Variants in TMC1 observed in about 807,000 individuals in gnomAD.
The protein encoded by TMC1 is transmembrane channel-like protein 1.
Under a neutral mutation model 105.8 loss-of-function variants are expected in TMC1, and 84 were observed. That is an observed-to-expected ratio of 0.79 (90% CI 0.67 to 0.95). The LOEUF is 0.95. Ranked by LOEUF, TMC1 falls within the 40% of genes least tolerant of loss-of-function variation. The pLI is 0.00. For synonymous variants in TMC1, 315 were observed against 311.5 expected (o/e 1.01, Z -0.12); for missense variants, 817 against 914.1 (o/e 0.89, Z 1.37).
At chr9:72,554,525 T>C (rs187443622) in intron 1 of TMC1, among the ~76,000 whole-genome samples, 1 of 152,332 alleles carries the variant, frequency 6.6e-6, no homozygotes, top group Admixed American at 6.5e-5. Context: ...AGCATTTTAC[T>C]CTCTCTTCCT....
intron 1 of TMC1, among the ~76,000 whole-genome samples, chr9:72,533,232 C>T (rs1823527631): frequency 2.0e-5 from 3 of 152,222 alleles, no homozygotes; most frequent in Admixed American, 2.0e-4. Flanking sequence ...AGAGAACCCT[C>T]ACACCTTATA....
intron 2 of TMC1, among the ~76,000 whole-genome samples, chr9:72,586,055 A>G (rs960884332): frequency 3.9e-5 from 6 of 152,198 alleles, no homozygotes; most frequent in Non-Finnish European, 5.9e-5. Context: ...TTTGGAAACA[A>G]TTTACACAAG....
intron 4 of TMC1, among the ~76,000 whole-genome samples, chr9:72,638,225 A>G (rs1201883617): frequency 6.6e-6 from 1 of 152,106 alleles, no homozygotes; most frequent in African/African-American, 2.4e-5. Flanking sequence ...TTTGTTTTCA[A>G]TATAAAAATC....
intron 8 of TMC1, among the ~76,000 whole-genome samples, chr9:72,706,119 G>C (rs1826733096): frequency 6.6e-6 from 1 of 152,058 alleles, no homozygotes; most frequent in African/African-American, 2.4e-5. Flanking sequence ...ACATTTTTAG[G>C]AAAGTGAAAA....
chr9:72,615,721 C>G (rs999781656), intron 2 of TMC1, among the ~76,000 whole-genome samples: 13 of 152,062 alleles, frequency 8.5e-5, no homozygotes, highest in African/African-American at 2.9e-4. Flanking sequence ...GAATAATTTT[C>G]CAGCCTCTCT....
intron 1 of TMC1, among the ~76,000 whole-genome samples, chr9:72,558,948 A>T (rs1338902154): frequency 6.6e-6 from 1 of 152,140 alleles, no homozygotes; most frequent in Non-Finnish European, 1.5e-5. Context: ...AATTAAAAAC[A>T]TACTTTTCTT....
chr9:72,773,070 G>T (rs1421181095), intron 13 of TMC1, among the ~76,000 whole-genome samples: 1 of 152,126 alleles, frequency 6.6e-6, no homozygotes, highest in Non-Finnish European at 1.5e-5. Context: ...TATAATCATG[G>T]TTTGTCTTGG....
chr9:72,690,971 G>A (rs534263646), intron 6 of TMC1, among the ~76,000 whole-genome samples: 1 of 152,052 alleles, frequency 6.6e-6, no homozygotes, highest in Non-Finnish European at 1.5e-5. Flanking sequence ...TGGTCTGCTT[G>A]TTGATCCCTC....
At chr9:72,677,181 G>A (rs188989082) in intron 5 of TMC1, among the ~76,000 whole-genome samples, 77 of 151,330 alleles carry the variant, frequency 5.1e-4, no homozygotes, top group African/African-American at 1.8e-3. Flanking sequence ...GGTTCATGGA[G>A]GCTAAAAAGT....
At chr9:72,736,924 C>G in intron 8 of TMC1, among the ~76,000 whole-genome samples, 1 of 152,144 alleles carries the variant, frequency 6.6e-6, no homozygotes, top group South Asian at 2.1e-4. Flanking sequence ...GTAACAATGA[C>G]AGCAATATTT....
At position 72,640,414 on chromosome 9, in the gene TMC1, G is replaced by T. The variant is rs544178628; in HGVS notation, c.-52-8183G>T. On this transcript the variant is annotated intron_variant, in intron 4 of 23. Transcript: ENST00000297784. ...TGATTTAGGCATCTAAGCTATCCAG[G>T]CATCATCATGGGGGTGAGCAGCCTG... Among the ~76,000 whole-genome samples the T allele has an allele frequency of 2.0e-5, 3 of 152,220 alleles. No individual in the cohort carries two copies. In the East Asian group the frequency reaches 5.8e-4, roughly 29 times the overall value.
chr9:72,612,883 C>T (rs1587988916), intron 2 of TMC1, among the ~76,000 whole-genome samples: 1 of 151,986 alleles, frequency 6.6e-6, no homozygotes, highest in Non-Finnish European at 1.5e-5. Flanking sequence ...CAAGACAGCC[C>T]CCACAACAAA....
At chr9:72,770,349 TATC>T (rs1827905194) in intron 12 of TMC1, among the ~76,000 whole-genome samples, 1 of 147,724 alleles carries the variant, frequency 6.8e-6, no homozygotes, top group Admixed American at 6.8e-5. Flanking sequence ...TATTTTGATT[TATC>T]ATTATTATTA....
At chr9:72,587,396 G>A (rs574686094) in intron 2 of TMC1, among the ~76,000 whole-genome samples, 4 of 152,280 alleles carry the variant, frequency 2.6e-5, no homozygotes, top group Admixed American at 6.5e-5. Context: ...GACCTCAGAT[G>A]ATCCACCCAC....
intron 7 of TMC1, among the ~76,000 whole-genome samples, chr9:72,697,316 T>C (rs1305013200): frequency 6.6e-6 from 1 of 152,182 alleles, no homozygotes; most frequent in Non-Finnish European, 1.5e-5. Context: ...TACTTGGATA[T>C]GAACATGTAA....
At chr9:72,754,542 G>A (rs775218102) in intron 11 of TMC1, among the ~76,000 whole-genome samples, 1 of 152,130 alleles carries the variant, frequency 6.6e-6, no homozygotes, top group Non-Finnish European at 1.5e-5. Context: ...AAGCCCTCTG[G>A]GGAATGTGGT....
At chr9:72,776,646 C>T (rs1008654015) in intron 13 of TMC1, among the ~76,000 whole-genome samples, 1 of 152,130 alleles carries the variant, frequency 6.6e-6, no homozygotes, top group Non-Finnish European at 1.5e-5. Context: ...CTTACGTAGG[C>T]CAAGGTGTTC....
intron 6 of TMC1, 112 bp from the exon 7 acceptor site, chr9:72,694,431 G>T: frequency 1.1e-6 from 1 of 897,822 alleles, no homozygotes; most frequent in East Asian, 2.7e-5. Context: ...GTGGAGAATT[G>T]CTAGACTGTG....
intron 1 of TMC1, among the ~76,000 whole-genome samples, chr9:72,565,668 G>A (rs1375639275): frequency 6.6e-6 from 1 of 152,122 alleles, no homozygotes; most frequent in Non-Finnish European, 1.5e-5. Flanking sequence ...AAGAAAAAGA[G>A]GTTTAACGGA....
Sources: allele counts gnomAD v4.1 joint callset (sites outside exome capture counted in the v4.1 genomes callset), GRCh38; gene constraint gnomAD v4.1.1; transcripts MANE v1.5; gene names NCBI Gene and HGNC (gene_info 2026-07-23, HGNC 2026-07-21).